The following ZDHHC7 variants were observed in gnomAD, a reference collection of about 807,000 sequenced individuals.
ZDHHC7 encodes palmitoyltransferase ZDHHC7.
In ZDHHC7, 12 loss-of-function variants were observed where a neutral mutation model predicts 34.1. The ratio of observed to expected loss-of-function variants is 0.35; its 90% CI spans 0.23 to 0.57. The LOEUF is 0.57. ZDHHC7 is among the 20% of genes least tolerant of loss of function. The pLI is 0.84. For missense variants in ZDHHC7, 388 were observed against 402.7 expected (o/e 0.96, Z 0.31); for synonymous variants, 185 against 155.4 (o/e 1.19, Z -1.42).
chr16:85,000,948 C>A (rs553023835), intron 1 of ZDHHC7, among the ~76,000 whole-genome samples: 2 of 152,214 alleles, frequency 1.3e-5, no homozygotes, highest in Non-Finnish European at 2.9e-5. Context: ...ATAAAGACAA[C>A]AGACAGCATG....
rs1040541632 is a variant in ZDHHC7, at chr16:84,974,178, GGA to G, written c.*2163_*2164del. ...GTAGGTACTTGAGATTCTGAACTGT[GGA>G]GATTTTGAAACATTGTTTTTATTTC... On this transcript the variant is annotated 3_prime_UTR_variant, in exon 8 of 8. Coordinates refer to ENST00000313732, the MANE Select transcript of ZDHHC7 (RefSeq NM_017740.3). 2 of 152,150 alleles carry G rather than the reference GGA, an allele frequency of 1.3e-5. No homozygotes were observed. The highest frequency in any genetic ancestry group is 4.8e-5 in the African/African-American group (2 of 41,408). The allele number at this position is 152,150 out of a possible 1,614,324, so 9.4% of individuals were successfully genotyped here. A position where few individuals can be genotyped will look rare whatever the true frequency, so the allele number is the denominator to read the frequency against.
intron 4 of ZDHHC7, among the ~76,000 whole-genome samples, chr16:84,979,599 C>G (rs974864390): frequency 4.6e-5 from 7 of 152,138 alleles, no homozygotes; most frequent in African/African-American, 1.7e-4. Flanking sequence ...CCTAATTTTG[C>G]AAGCTTACAA....
intron 6 of ZDHHC7, 45 bp downstream of exon 6, chr16:84,977,879 T>A: frequency 6.7e-7 from 1 of 1,496,500 alleles, no homozygotes; most frequent in Non-Finnish European, 9.2e-7. Flanking sequence ...TTTCATCCAA[T>A]AACAGCATGC....
In ZDHHC7 at chr16:84,990,509, T is replaced by C. The variant is rs2072495300; in HGVS notation, c.110A>G (p.Asp37Gly). 6.2e-7 allele frequency: 1 copy of C among 1,614,134 alleles called. No individual in the cohort carries two copies. Among genetic ancestry groups the C allele is most frequent in the Non-Finnish European group, 8.5e-7 (1 of 1,180,030 alleles). Reference protein sequence around the residue: ...SSSSSEADVADRVWFIRDGCG... With the variant: ...SSSSSEADVAGRVWFIRDGCG... Reference sequence around the variant, plus strand: ...GCCGTCACGGATGAACCAGACCCGGTCAGCCACGTCAGCCTCGGAGGAGGA... The same window carrying C: ...GCCGTCACGGATGAACCAGACCCGGCCAGCCACGTCAGCCTCGGAGGAGGA... The change falls in exon 3 of 8, where the codon GAC becomes GGC. Residue 37 changes from aspartate (D) to glycine (G), a missense_variant. Asp to Gly is a moderately conservative substitution (Grantham distance 94). Transcript: ENST00000313732.
intron 3 of ZDHHC7, among the ~76,000 whole-genome samples, chr16:84,988,263 C>G (rs1443593362): frequency 6.6e-6 from 1 of 151,762 alleles, no homozygotes; most frequent in African/African-American, 2.4e-5. Flanking sequence ...GGTCGGGGAA[C>G]TGGGAAGTGA....
At chr16:84,987,507 C>T (rs1243705032) in intron 3 of ZDHHC7, among the ~76,000 whole-genome samples, 2 of 148,222 alleles carry the variant, frequency 1.3e-5, no homozygotes, top group South Asian at 2.1e-4. Context: ...TCTTTTTTTT[C>T]CCCCAGTGGG....
chr16:84,998,788 C>G (rs1283464128), intron 1 of ZDHHC7, among the ~76,000 whole-genome samples: 1 of 144,286 alleles, frequency 6.9e-6, no homozygotes. Flanking sequence ...GAGTCTCACT[C>G]CTTTGCCCAG....
At chr16:84,978,550 A>C (rs1216785874) in intron 5 of ZDHHC7, among the ~76,000 whole-genome samples, 4 of 152,074 alleles carry the variant, frequency 2.6e-5, no homozygotes, top group Non-Finnish European at 5.9e-5. Flanking sequence ...CCTGGGCAAC[A>C]CAGCAAAACC....
At chr16:84,979,773 G>A (rs188727399) in intron 4 of ZDHHC7, among the ~76,000 whole-genome samples, 11 of 152,002 alleles carry the variant, frequency 7.2e-5, no homozygotes, top group Non-Finnish European at 1.2e-4. Flanking sequence ...GCATGAAGTC[G>A]TCTTGTTTTT....
intron 1 of ZDHHC7, among the ~76,000 whole-genome samples, chr16:85,008,093 G>A (rs1038167633): frequency 3.3e-5 from 5 of 152,076 alleles, no homozygotes; most frequent in African/African-American, 9.7e-5. Flanking sequence ...TCCAGCCTGG[G>A]CAAAAGAGCA....
intron 4 of ZDHHC7, among the ~76,000 whole-genome samples, chr16:84,979,949 CTTTTTTTTTT>C (rs561019555): frequency 3.1e-5 from 3 of 96,018 alleles, no homozygotes; most frequent in African/African-American, 4.4e-5. Flanking sequence ...ATAGCGTCAC[CTTTTTTTTTT>C]TTTTTTTTTT....
At chr16:84,984,686 G>A (rs2143595414) in intron 3 of ZDHHC7, among the ~76,000 whole-genome samples, 1 of 152,270 alleles carries the variant, frequency 6.6e-6, no homozygotes, top group Admixed American at 6.5e-5. Context: ...CACTTGCTGG[G>A]TCCAGGGATT....
chr16:85,014,072 C>T (rs2072824477), upstream of ZDHHC7, among the ~76,000 whole-genome samples: 1 of 152,160 alleles, frequency 6.6e-6, no homozygotes, highest in Non-Finnish European at 1.5e-5. Context: ...CCCCTACACA[C>T]CCAATAATCT....
intron 5 of ZDHHC7, 150 bp downstream of exon 5, chr16:84,979,039 C>T (rs1486924670): frequency 5.7e-6 from 4 of 701,720 alleles, no homozygotes; most frequent in Non-Finnish European, 9.0e-6. Flanking sequence ...CTACTTCCTG[C>T]CAATGACAGC....
upstream of ZDHHC7, among the ~76,000 whole-genome samples, chr16:85,013,156 A>G (rs1428514266): frequency 1.3e-5 from 2 of 152,124 alleles, no homozygotes; most frequent in Non-Finnish European, 2.9e-5. Flanking sequence ...TCCCATATAT[A>G]AACCTTTCCA....
intron 5 of ZDHHC7, among the ~76,000 whole-genome samples, chr16:84,978,412 A>T (rs2072325648): frequency 6.6e-6 from 1 of 152,198 alleles, no homozygotes; most frequent in African/African-American, 2.4e-5. Context: ...CCTACCCAAG[A>T]TCATATTAGA....
intron 4 of ZDHHC7, 173 bp from the exon 5 acceptor site, chr16:84,979,458 GTC>G: frequency 1.4e-6 from 1 of 692,526 alleles, no homozygotes; most frequent in Non-Finnish European, 1.8e-6. Context: ...TTAATTAAAT[GTC>G]TTCCGTTTCC....
chr16:85,004,191 C>A (rs1394516657), intron 1 of ZDHHC7, among the ~76,000 whole-genome samples: 4 of 151,860 alleles, frequency 2.6e-5, no homozygotes, highest in African/African-American at 9.7e-5. Flanking sequence ...GCACACCACA[C>A]CCAAAAAAAA....
intron 1 of ZDHHC7, among the ~76,000 whole-genome samples, chr16:85,001,639 G>C (rs1373673796): frequency 6.6e-6 from 1 of 152,096 alleles, no homozygotes; most frequent in Admixed American, 6.6e-5. Flanking sequence ...ATACACACAT[G>C]GGTTAGCATC....
Sources: gnomAD v4.1 joint callset for allele counts (sites outside exome capture counted in the v4.1 genomes callset) on GRCh38, gnomAD v4.1.1 for gene constraint, MANE v1.5 for transcripts, NCBI Gene and HGNC (gene_info 2026-07-23, HGNC 2026-07-21) for gene names.